Variants in NPLOC4 observed in about 807,000 individuals in gnomAD.
The protein encoded by NPLOC4 is nuclear protein localization protein 4 homolog.
In NPLOC4, 18 loss-of-function variants were observed where a neutral mutation model predicts 80.6. That is an observed-to-expected ratio of 0.22 (90% confidence interval 0.15 to 0.33). The LOEUF is 0.33. NPLOC4 is among the 10% of genes least tolerant of loss of function. NPLOC4 has a pLI of 1.00. For missense variants in NPLOC4, 540 were observed against 786.1 expected (o/e 0.69, Z 3.74); for synonymous variants, 313 against 301.5 (o/e 1.04, Z -0.39).
At chr17:81,607,814 AT>A (rs1242840261) in intron 6 of NPLOC4, among the ~76,000 whole-genome samples, 1 of 152,216 alleles carries the variant, frequency 6.6e-6, no homozygotes. Context: ...CTGGTCTAAC[AT>A]TTTTAAAAAG....
chr17:81,622,144 T>C (rs142330001), intron 3 of NPLOC4, 22 bp downstream of exon 3: 38 of 1,561,750 alleles, frequency 2.4e-5, no homozygotes, highest in Middle Eastern at 3.4e-4. Flanking sequence ...CATTCCCTGC[T>C]TCCTCCTCAG....
At chr17:81,568,933 G>T in intron 14 of NPLOC4, 83 bp downstream of exon 14, 1 of 923,640 alleles carries the variant, frequency 1.1e-6, no homozygotes. Flanking sequence ...TTGAAAGCTT[G>T]ATGTTTTCTG....
chr17:81,613,388 C>T lies in NPLOC4; in HGVS notation c.316G>A (p.Val106Met). 6.2e-7 allele frequency: 1 copy of T among 1,613,986 alleles called. No homozygotes were observed. Among genetic ancestry groups the T allele is most frequent in the Non-Finnish European group, 8.5e-7 (1 of 1,179,900 alleles). Residue 106 changes from valine to methionine, a missense_variant, in exon 4 of 17, where the codon GTG becomes ATG. Physicochemically the swap from Val to Met is conservative, Grantham distance 21. This residue lies in a region of NPLOC4 where 74 missense variants were observed against 75.7 expected (regional missense o/e 0.98). Coordinates refer to ENST00000331134, the MANE Select transcript of NPLOC4 (RefSeq NM_017921.4). ...AGGTACTGATCAATCTCATCCTCCA[C>T]CACGTTGGGAGCGCCAAAGACTTTG... is the stretch of plus-strand genomic sequence containing the variant. ...GFKVFGAPNV[V>M]EDEIDQYLSK...
chr17:81,596,335 C>G, intron 10 of NPLOC4, 93 bp from the exon 11 acceptor site: 1 of 1,388,560 alleles, frequency 7.2e-7, no homozygotes, highest in Non-Finnish European at 9.8e-7. Context: ...AAGCCAGGAG[C>G]AGTGACTCAC....
chr17:81,629,684 A>G lies in NPLOC4; in HGVS notation c.96+41T>C, dbSNP rs139847729. On this transcript the variant is annotated intron_variant, in intron 2 of 16. Transcript: ENST00000331134. ...GTATCGATGGCAGTAAGAGTAGAGG[A>G]TGAAAAATATCCTGAGGGTCAATAC... is the stretch of plus-strand genomic sequence containing the variant. 177 of 1,404,404 alleles carry G rather than the reference A, an allele frequency of 1.3e-4. 2 individuals carry two copies. In the East Asian group the frequency reaches 4.0e-3, roughly 32 times the overall value. The allele number at this position is 1,404,404 out of a possible 1,614,324, so 87.0% of individuals were successfully genotyped here. A position where few individuals can be genotyped will look rare whatever the true frequency, so the allele number is the denominator to read the frequency against.
chr17:81,594,367 G>A (rs1471357012), intron 11 of NPLOC4, among the ~76,000 whole-genome samples: 2 of 148,746 alleles, frequency 1.3e-5, no homozygotes, highest in Non-Finnish European at 3.0e-5. Context: ...TAATTAACGT[G>A]TGAAAGATGC....
intron 11 of NPLOC4, among the ~76,000 whole-genome samples, chr17:81,593,503 T>C (rs1160689945): frequency 1.3e-5 from 2 of 152,114 alleles, no homozygotes; most frequent in African/African-American, 4.8e-5. Flanking sequence ...CTGCCTTCCA[T>C]TTCAGAATTC....
In NPLOC4 at chr17:81,572,444, G is replaced by GC. The variant is rs1280478020; in HGVS notation, c.1282-357dup. Among the ~76,000 whole-genome samples the GC allele has an allele frequency of 6.6e-6, 1 of 152,172 alleles. No homozygotes were observed. The highest frequency in any genetic ancestry group is 1.5e-5 in the Non-Finnish European group (1 of 68,032). ...CTGACCTCGTGATCCACCCGCCTCA[G>GC]CCCCCCAAAGTGCTGGGATTACAGG... On this transcript the variant is annotated intron_variant, in intron 12 of 16. Coordinates refer to ENST00000331134, the MANE Select transcript of NPLOC4 (RefSeq NM_017921.4). This position sits in a 1 kb window ranked among gnomAD's most constrained non-coding sequence, Gnocchi z 4.5.
intron 12 of NPLOC4, among the ~76,000 whole-genome samples, chr17:81,582,211 A>G (rs1598632461): frequency 2.0e-5 from 3 of 152,348 alleles, no homozygotes; most frequent in Admixed American, 2.0e-4. Context: ...GCAGCAGCAC[A>G]ACCAGGAGGG....
At chr17:81,616,110 A>G (rs2035477086) in intron 3 of NPLOC4, among the ~76,000 whole-genome samples, 1 of 151,666 alleles carries the variant, frequency 6.6e-6, no homozygotes, top group South Asian at 2.1e-4. Flanking sequence ...CGAGGTCAAG[A>G]GATTGAGACC....
At chr17:81,636,812 G>A in intron 1 of NPLOC4, 104 bp downstream of exon 1, 1 of 1,209,878 alleles carries the variant, frequency 8.3e-7, no homozygotes, top group Non-Finnish European at 1.1e-6. Context: ...AAGAGAAAGG[G>A]GCCGAGTCGC....
chr17:81,608,989 G>A (rs1293480476), intron 5 of NPLOC4, 167 bp from the exon 6 acceptor site: 3 of 507,984 alleles, frequency 5.9e-6, no homozygotes, highest in East Asian at 6.3e-5. Context: ...TCAGAACCAA[G>A]TTTTTCTTTT....
chr17:81,583,870 T>C (rs2034506169), intron 12 of NPLOC4, among the ~76,000 whole-genome samples: 1 of 152,214 alleles, frequency 6.6e-6, no homozygotes, highest in Non-Finnish European at 1.5e-5. Context: ...CCTATACGTG[T>C]CTTCAAGAAA....
At chr17:81,601,144 T>C (rs563293733) in intron 8 of NPLOC4, among the ~76,000 whole-genome samples, 3 of 152,268 alleles carry the variant, frequency 2.0e-5, no homozygotes, top group Admixed American at 1.3e-4. Context: ...CACTTAAATG[T>C]AGCTTGCGGG....
intron 3 of NPLOC4, among the ~76,000 whole-genome samples, chr17:81,616,462 G>A (rs2035492297): frequency 6.6e-6 from 1 of 152,018 alleles, no homozygotes; most frequent in Admixed American, 6.6e-5. Context: ...CAGGCACAGT[G>A]GCTCACACCT....
At chr17:81,568,985 TA>T in intron 14 of NPLOC4, 30 bp downstream of exon 14, 1 of 1,358,994 alleles carries the variant, frequency 7.4e-7, no homozygotes, top group Non-Finnish European at 1.0e-6. Context: ...GCAGTTACCT[TA>T]AATTATGTTT....
At chr17:81,575,498 C>G (rs1031559506) in intron 12 of NPLOC4, among the ~76,000 whole-genome samples, 3 of 152,222 alleles carry the variant, frequency 2.0e-5, no homozygotes, top group Non-Finnish European at 4.4e-5. Flanking sequence ...TCTCAGGGGC[C>G]AGCTGTGTGC....
At chr17:81,576,264 T>C (rs1449029354) in intron 12 of NPLOC4, among the ~76,000 whole-genome samples, 1 of 152,210 alleles carries the variant, frequency 6.6e-6, no homozygotes, top group African/African-American at 2.4e-5. Context: ...GGAAAGAGTA[T>C]GTAGGTAGAT....
chr17:81,596,798 C>T (rs1400116952), intron 10 of NPLOC4, among the ~76,000 whole-genome samples: 1 of 152,172 alleles, frequency 6.6e-6, no homozygotes. Context: ...CTTCATTGAT[C>T]AAGAAGAACT....
Sources: gnomAD v4.1 joint callset for allele counts (sites outside exome capture counted in the v4.1 genomes callset) on GRCh38, gnomAD v4.1.1 for gene constraint, gnomAD v4.1.1 regional missense constraint, Gnocchi (gnomAD v3.1) non-coding constraint, MANE v1.5 for transcripts, NCBI Gene and HGNC (gene_info 2026-07-23, HGNC 2026-07-21) for gene names.